DLGAP2: variants seen among roughly 807,000 people sequenced by gnomAD.
The protein encoded by DLGAP2 is disks large-associated protein 2.
In DLGAP2, 26 loss-of-function variants were observed where a neutral mutation model predicts 100.3. The ratio of observed to expected loss-of-function variants is 0.26; its 90% CI spans 0.19 to 0.36. The LOEUF (loss-of-function observed/expected upper bound fraction) is 0.36. DLGAP2 is among the 10% of genes least tolerant of loss of function. The pLI is 1.00. For missense variants in DLGAP2, 1,858 were observed against 1,453.2 expected (o/e 1.28, Z -4.53); for synonymous variants, 886 against 630.1 (o/e 1.41, Z -6.08).
intron 3 of DLGAP2, among the ~76,000 whole-genome samples, chr8:1,320,389 G>C (rs1461303431): frequency 6.6e-6 from 1 of 152,082 alleles, no homozygotes; most frequent in Non-Finnish European, 1.5e-5. Context: ...CTGAACCCTG[G>C]AGCCGGACCG....
At chr8:786,551 A>G (rs946690584) in intron 1 of DLGAP2, among the ~76,000 whole-genome samples, 4 of 152,198 alleles carry the variant, frequency 2.6e-5, no homozygotes, top group Admixed American at 2.0e-4. Flanking sequence ...GCGCGGCCAC[A>G]GAGAGGTGAG....
intron 1 of DLGAP2, among the ~76,000 whole-genome samples, chr8:857,618 C>T (rs1028870677): frequency 3.9e-5 from 6 of 152,092 alleles, no homozygotes; most frequent in African/African-American, 1.4e-4. Flanking sequence ...AATAAAACAG[C>T]AAGGAGACAG....
intron 3 of DLGAP2, among the ~76,000 whole-genome samples, chr8:1,465,898 G>A (rs754789754): frequency 1.3e-5 from 2 of 152,148 alleles, no homozygotes; most frequent in African/African-American, 4.8e-5. Context: ...TGTCTTTATG[G>A]CCAACGCCAT....
At chr8:1,137,210 G>T (rs933807739) in intron 2 of DLGAP2, 1 of 152,212 alleles carries the variant, frequency 6.6e-6, no homozygotes. Context: ...GGAGAGCCCT[G>T]GCATCTGTTC....
intron 2 of DLGAP2, among the ~76,000 whole-genome samples, chr8:1,078,342 C>T (rs1803692553): frequency 6.6e-6 from 1 of 152,190 alleles, no homozygotes; most frequent in African/African-American, 2.4e-5. Flanking sequence ...TATTCCATTT[C>T]TCTGCTGTTA....
chr8:789,302 A>G (rs1426722687), intron 1 of DLGAP2, among the ~76,000 whole-genome samples: 1 of 152,212 alleles, frequency 6.6e-6, no homozygotes. Context: ...ACTTACAACC[A>G]TGGCGGAAGG....
intron 3 of DLGAP2, among the ~76,000 whole-genome samples, chr8:1,355,781 C>T (rs566464985): frequency 4.6e-5 from 7 of 152,252 alleles, no homozygotes; most frequent in African/African-American, 1.7e-4. Flanking sequence ...TGTGTGGCTC[C>T]CTGTCTCCTC....
At chr8:1,041,667 G>A (rs1241737959) in intron 2 of DLGAP2, among the ~76,000 whole-genome samples, 1 of 73,212 alleles carries the variant, frequency 1.4e-5, no homozygotes, top group Admixed American at 1.3e-4. Flanking sequence ...AGTGTTCTCC[G>A]AGCCCCTTGC....
At position 1,242,296 on chromosome 8, in the gene DLGAP2, G is replaced by C. The variant is rs117291469; in HGVS notation, c.74-16555G>C. 1.5e-4 allele frequency among the ~76,000 whole-genome samples: 23 copies of C among 152,292 alleles called. No homozygotes were observed. The East Asian group carries it at 4.3e-3, about 28-fold the overall frequency. ...TTGGTTGTCAGACATATGAGAGGAT[G>C]CAGGTGACGGGGCAGGGCGGGGTTC... On this transcript the variant is annotated intron_variant, in intron 2 of 14. Transcript: ENST00000637795.
intron 10 of DLGAP2, among the ~76,000 whole-genome samples, chr8:1,671,064 C>G (rs1037371396): frequency 3.9e-5 from 6 of 152,200 alleles, no homozygotes; most frequent in African/African-American, 1.4e-4. Flanking sequence ...GTTAATTGTG[C>G]CCAGACTATG....
rs1254183613 is a variant in DLGAP2 at position 1,678,485 on chromosome 8, G to A, written c.2560G>A (p.Asp854Asn). Residue 854 changes from aspartate to asparagine, a missense_variant, in exon 12 of 15, where the codon GAC becomes AAC. Transcript: ENST00000637795. ...PPDPWLEPAI[D>N]TVETGRMSPC... ...AGACCCCTGGCTGGAGCCCGCCATCGACACGGTAGAGACTGGGAGGATGTC... is the reference window on the plus strand; with the variant it reads ...AGACCCCTGGCTGGAGCCCGCCATCAACACGGTAGAGACTGGGAGGATGTC... 2.0e-5 allele frequency: 32 copies of A among 1,612,974 alleles called. No homozygotes were observed. The highest frequency in any genetic ancestry group is 4.4e-5 in the South Asian group (4 of 90,946).
intron 1 of DLGAP2, among the ~76,000 whole-genome samples, chr8:784,276 T>C (rs541445316): frequency 8.3e-4 from 127 of 152,368 alleles, no homozygotes; most frequent in Non-Finnish European, 1.4e-3. Context: ...AAGACAGTTT[T>C]ATCATCTAGA....
Position 969,634 on chromosome 8 carries a change from G to A in DLGAP2, c.73+61668G>A, listed in dbSNP as rs965655040. Among the ~76,000 whole-genome samples, 7 of 152,080 alleles carry A rather than the reference G, an allele frequency of 4.6e-5. 1 individual carries two copies. Among genetic ancestry groups the A allele is most frequent in the Admixed American group, 1.3e-4 (2 of 15,284 alleles). On this transcript the variant is annotated intron_variant, in intron 2 of 14. Coordinates refer to ENST00000637795, the MANE Select transcript of DLGAP2 (RefSeq NM_001346810.2). ...GTTGTGTCCTAGGTACTTTGTGGGT[G>A]CTCTAAAAGTTCCTTATTTCTCTCT... is the stretch of plus-strand genomic sequence containing the variant.
chr8:819,589 A>G (rs12680347), intron 1 of DLGAP2, among the ~76,000 whole-genome samples: 29,926 of 152,224 alleles, frequency 0.2, 3,666 homozygotes, highest in Admixed American at 0.39. Flanking sequence ...CCATAAGATA[A>G]TTAGTAACGT....
Position 1,118,124 on chromosome 8 carries a change from C to A in DLGAP2, c.74-140727C>A, listed in dbSNP as rs551484683. ...GCATGTCAGTTGACAGAGGAGCGGG[C>A]GGAGTGGGGAAATTAACCGCAGTTC... On this transcript the variant is annotated intron_variant, in intron 2 of 14. Coordinates refer to ENST00000637795, the MANE Select transcript of DLGAP2 (RefSeq NM_001346810.2). Among the ~76,000 whole-genome samples, 8 of 152,130 alleles carry A rather than the reference C, an allele frequency of 5.3e-5. 1 individual carries two copies. The highest frequency in any genetic ancestry group is 1.9e-4 in the African/African-American group (8 of 41,420).
chr8:783,290 A>G (rs1413175617), intron 1 of DLGAP2, among the ~76,000 whole-genome samples: 5 of 152,208 alleles, frequency 3.3e-5, no homozygotes, highest in Non-Finnish European at 7.3e-5. Context: ...TCCCTTGGAA[A>G]CTTGTTTAAG....
chr8:1,116,506 G>A (rs913047459), intron 2 of DLGAP2, among the ~76,000 whole-genome samples: 3 of 152,182 alleles, frequency 2.0e-5, no homozygotes, highest in East Asian at 1.9e-4. Context: ...TGAGAATGGG[G>A]CAGATAATAT....
At chr8:1,118,982 A>C (rs1327566506) in intron 2 of DLGAP2, among the ~76,000 whole-genome samples, 2 of 152,228 alleles carry the variant, frequency 1.3e-5, no homozygotes, top group Non-Finnish European at 2.9e-5. Flanking sequence ...CATTTTATTT[A>C]AGCATAACTG....
intron 3 of DLGAP2, among the ~76,000 whole-genome samples, chr8:1,439,664 A>G (rs745872361): frequency 8.5e-5 from 13 of 152,174 alleles, no homozygotes; most frequent in Non-Finnish European, 1.6e-4. Context: ...GGGTCTCGAA[A>G]CTGAAACGGC....
Sources: allele counts gnomAD v4.1 joint callset (sites outside exome capture counted in the v4.1 genomes callset), GRCh38; gene constraint gnomAD v4.1.1; transcripts MANE v1.5; gene names NCBI Gene and HGNC (gene_info 2026-07-23, HGNC 2026-07-21).